The following RGS3 variants were observed in gnomAD, a reference collection of about 807,000 sequenced individuals.
RGS3 encodes the protein regulator of G-protein signalling 3.
Under a neutral mutation model 132.6 loss-of-function variants are expected in RGS3, and 80 were observed. That is an observed-to-expected ratio of 0.60 (90% CI 0.50 to 0.73). The LOEUF is 0.73. RGS3 is among the 30% of genes least tolerant of loss of function. The probability of loss-of-function intolerance (pLI) is 0.00; values close to 1 mark genes in which losing one functional copy is unlikely to be tolerated. For synonymous variants in RGS3, 598 were observed against 620.6 expected (o/e 0.96, Z 0.54); for missense variants, 1,382 against 1,530.8 (o/e 0.90, Z 1.62).
intron 5 of RGS3, 54 bp downstream of exon 3, chr9:113,483,171 G>T: frequency 3.1e-6 from 4 of 1,310,842 alleles, no homozygotes; most frequent in East Asian, 2.3e-5. Flanking sequence ...CATGTTACTG[G>T]GCTCAGTCCC....
At chr9:113,451,235 T>C (rs1445800252) in intron 1 of RGS3, among the ~76,000 whole-genome samples, 1 of 150,810 alleles carries the variant, frequency 6.6e-6, no homozygotes, top group Non-Finnish European at 1.5e-5. Context: ...TTGGAAAGAA[T>C]CTGGAAGCAA....
At chr9:113,519,195 G>A (rs1831817504) in intron 16 of RGS3, among the ~76,000 whole-genome samples, 1 of 152,120 alleles carries the variant, frequency 6.6e-6, no homozygotes, top group African/African-American at 2.4e-5. Flanking sequence ...CTCCAGGCTG[G>A]TAAGGAATGG....
chr9:113,505,453 G>C, exon 11 of RGS3: 2 of 1,614,104 alleles, frequency 1.2e-6, no homozygotes, highest in Non-Finnish European at 1.7e-6. Context: ...TCACCATCCC[G>C]AGGGGAAAGG....
At position 113,507,617 on chromosome 9, in the gene RGS3, C is replaced by A; in HGVS notation, c.1416C>A (p.Ala472=). The change falls in exon 13 of 25, where the codon GCC becomes GCA. Residue 472 remains alanine (A), a synonymous_variant. Transcript: ENST00000350696. The surrounding 1 kb of genome is among the most constrained non-coding windows in gnomAD (Gnocchi z 5.0). ...CCGACCCCAACTACATCATCCTGGC[C>A]CCGCTGAATCCTGGGAGCCAGGTAC... 6.8e-7 allele frequency: 1 copy of A among 1,475,648 alleles called. No individual in the cohort carries two copies. Among genetic ancestry groups the A allele is most frequent in the South Asian group, 1.4e-5 (1 of 71,382 alleles). The allele number at this position is 1,475,648 out of a possible 1,614,324, so 91.4% of individuals were successfully genotyped here.
At chr9:113,478,866 T>C (rs1830073078) in intron 3 of RGS3, 1 of 152,550 alleles carries the variant, frequency 6.6e-6, no homozygotes, top group Non-Finnish European at 1.5e-5. Flanking sequence ...AATATTCCTC[T>C]GCCAGGTTGT....
At chr9:113,468,780 C>G (rs7042413) in intron 3 of RGS3, among the ~76,000 whole-genome samples, 1 of 152,154 alleles carries the variant, frequency 6.6e-6, no homozygotes, top group Non-Finnish European at 1.5e-5. Context: ...GTTGCCTTTT[C>G]TGCAGGGTAT....
chr9:113,484,255 C>T, intron 6 of RGS3, 23 bp downstream of exon 4: 1 of 1,414,844 alleles, frequency 7.1e-7, no homozygotes, highest in African/African-American at 1.4e-5. Context: ...TGCAGCTGGG[C>T]CCTAGAAAGG....
At chr9:113,536,403 T>A in intron 18 of RGS3, 1 of 830,398 alleles carries the variant, frequency 1.2e-6, no homozygotes, top group Non-Finnish European at 1.5e-6. Context: ...TGGGGAGGGT[T>A]CCTGGCTCCA....
chr9:113,484,326 GCAA>G, intron 6 of RGS3, 94 bp downstream of exon 4: 2 of 98,624 alleles, frequency 2.0e-5, no homozygotes, highest in South Asian at 3.4e-4. Context: ...CTAGATCTAT[GCAA>G]AAAAAAAAAA....
chr9:113,498,256 T>C (rs1460387844), intron 10 of RGS3, among the ~76,000 whole-genome samples, 176 bp downstream of exon 8: 2 of 152,206 alleles, frequency 1.3e-5, no homozygotes, highest in Non-Finnish European at 2.9e-5. Context: ...ATAAATGCTC[T>C]TCTCAGGGTA....
chr9:113,455,756 G>C (rs1469339421), upstream of RGS3, among the ~76,000 whole-genome samples: 2 of 152,136 alleles, frequency 1.3e-5, no homozygotes, highest in Non-Finnish European at 2.9e-5. Context: ...ATACCACCTT[G>C]TTCTACCTTG....
In RGS3 at chr9:113,537,064, GC is replaced by G. The variant is rs1210089193; in HGVS notation, c.2037+149del. ...GAGCTCTTGGCAAGCGGGGACCTGT[GC>G]CCGAATGTCTCTCCCCCTTGGCATG... On this transcript the variant is annotated intron_variant, in intron 19 of 24. Transcript: ENST00000350696. The surrounding 1 kb of genome is among the most constrained non-coding windows in gnomAD (Gnocchi z 4.3). 1.3e-5 allele frequency: 9 copies of G among 706,346 alleles called. No homozygotes were observed. In the East Asian group the frequency reaches 2.5e-4, roughly 19 times the overall value. 43.8% of individuals were successfully genotyped at this position (706,346 alleles called of 1,614,324 possible).
At chr9:113,576,337 C>CT (rs558156232) in intron 19 of RGS3, among the ~76,000 whole-genome samples, 9,849 of 142,306 alleles carry the variant, frequency 0.069, 446 homozygotes, top group South Asian at 0.11. Context: ...ATTGTTCTTT[C>CT]TTTTTTTTTT....
intron 19 of RGS3, among the ~76,000 whole-genome samples, chr9:113,572,977 A>G (rs751645565): frequency 4.6e-5 from 7 of 152,268 alleles, no homozygotes; most frequent in Non-Finnish European, 7.3e-5. Flanking sequence ...GGAGCTGATG[A>G]TGTCGATGAT....
At position 113,463,071 on chromosome 9, in the gene RGS3, C is replaced by T. The variant is rs1324464722; in HGVS notation, c.415+870C>T. Among the ~76,000 whole-genome samples, 1 of 152,224 alleles carries T rather than the reference C, an allele frequency of 6.6e-6. No individual in the cohort carries two copies. Among genetic ancestry groups the T allele is most frequent in the Non-Finnish European group, 1.5e-5 (1 of 68,032 alleles). On this transcript the variant is annotated intron_variant, in intron 3 of 24. Coordinates refer to ENST00000350696, the Ensembl canonical transcript of RGS3. The surrounding 1 kb of genome is among the most constrained non-coding windows in gnomAD (Gnocchi z 4.6). The stretch of plus-strand genomic sequence containing the variant: ...CACCCACCCCACTCCGTTTCCTGTG[C>T]GTTCCTCTTTCTCAGAGGCTGTGGG...
intron 19 of RGS3, among the ~76,000 whole-genome samples, chr9:113,573,044 C>G (rs185731304): frequency 3.9e-3 from 601 of 152,338 alleles, no homozygotes; most frequent in Non-Finnish European, 6.3e-3. Context: ...TGAGCACTTA[C>G]TAGGTGCCAG....
intron 9 of RGS3, among the ~76,000 whole-genome samples, chr9:113,497,744 G>T (rs1261077437): frequency 1.3e-5 from 2 of 152,180 alleles, no homozygotes; most frequent in Non-Finnish European, 2.9e-5. Context: ...CTCATCTTGG[G>T]ATACCCACCT....
chr9:113,472,010 G>A (rs1829851057), intron 3 of RGS3, among the ~76,000 whole-genome samples: 1 of 152,122 alleles, frequency 6.6e-6, no homozygotes, highest in South Asian at 2.1e-4. Context: ...ATGGCTAACA[G>A]CATGTGAAAA....
chr9:113,540,002 G>T (rs890103376), intron 19 of RGS3, among the ~76,000 whole-genome samples: 1 of 151,950 alleles, frequency 6.6e-6, no homozygotes, highest in African/African-American at 2.4e-5. Context: ...TGTGATTTTC[G>T]TGAAAGCTGA....
Sources: allele counts gnomAD v4.1 joint callset (sites outside exome capture counted in the v4.1 genomes callset), GRCh38; gene constraint gnomAD v4.1.1; non-coding constraint Gnocchi (gnomAD v3.1); transcripts MANE v1.5; gene names NCBI Gene and HGNC (gene_info 2026-07-23, HGNC 2026-07-21).